MET: variants seen among roughly 807,000 people sequenced by gnomAD.
MET encodes MET proto-oncogene, receptor tyrosine kinase.
MET carries 48 observed loss-of-function variants against 133.1 expected under a neutral mutation model. The ratio of observed to expected loss-of-function variants is 0.36; its 90% CI spans 0.29 to 0.46. The LOEUF (loss-of-function observed/expected upper bound fraction) is 0.46, where lower values mean the gene tolerates loss of function less well. MET is among the 20% of genes least tolerant of loss of function. The pLI, the probability that MET is intolerant of heterozygous loss-of-function variation, is 1.00. For synonymous variants in MET, 628 were observed against 616.5 expected (o/e 1.02, Z -0.28); for missense variants, 1,442 against 1,695.9 (o/e 0.85, Z 2.63).
intron 5 of MET, among the ~76,000 whole-genome samples, chr7:116,754,929 AAGAAAGAAAGAAAGAAAGAAAG>A (rs1426435984): frequency 6.8e-6 from 1 of 147,824 alleles, no homozygotes; most frequent in Non-Finnish European, 1.5e-5. Context: ...GAAAGAAAGA[AAGAAAGAAAGAAAGAAAGAAAG>A]AGAAAGAAAG....
chr7:116,780,996 A>T (rs993637163), intron 17 of MET, among the ~76,000 whole-genome samples: 2 of 152,216 alleles, frequency 1.3e-5, no homozygotes, highest in Non-Finnish European at 2.9e-5. Flanking sequence ...CCTTCAAAGC[A>T]TACCTGTCAT....
At chr7:116,732,231 A>G (rs1213545724) in intron 3 of MET, among the ~76,000 whole-genome samples, 4 of 152,194 alleles carry the variant, frequency 2.6e-5, no homozygotes, top group Middle Eastern at 3.2e-3. Flanking sequence ...TATTGTGTGA[A>G]CCATGCATCT....
intron 1 of MET, among the ~76,000 whole-genome samples, chr7:116,697,374 C>A (rs1191500434): frequency 6.6e-6 from 1 of 152,082 alleles, no homozygotes; most frequent in Non-Finnish European, 1.5e-5. Flanking sequence ...CTTTCCATTG[C>A]CAGGATCTCT....
At chr7:116,693,141 T>C (rs932577827) in intron 1 of MET, among the ~76,000 whole-genome samples, 1 of 152,210 alleles carries the variant, frequency 6.6e-6, no homozygotes, top group Non-Finnish European at 1.5e-5. Context: ...AGCAATAATA[T>C]GCCAAGTCAA....
At chr7:116,682,280 C>A (rs775205260) in intron 1 of MET, among the ~76,000 whole-genome samples, 1 of 152,148 alleles carries the variant, frequency 6.6e-6, no homozygotes, top group Non-Finnish European at 1.5e-5. Context: ...AGATATTAGA[C>A]GAATAACTTA....
chr7:116,782,890 A>G (rs891737446), intron 18 of MET, among the ~76,000 whole-genome samples: 1 of 152,240 alleles, frequency 6.6e-6, no homozygotes, highest in African/African-American at 2.4e-5. Flanking sequence ...AAAGTAAAGT[A>G]TCAGTCCCCT....
chr7:116,699,737 G>A lies in MET; in HGVS notation c.653G>A (p.Arg218Lys), dbSNP rs1441045077. The A allele has an allele frequency of 6.2e-7, 1 of 1,614,084 alleles. No homozygotes were observed. The highest frequency in any genetic ancestry group is 1.1e-5 in the South Asian group (1 of 91,088). ...DHPLHSISVR[R>K]LKETKDGFMF... ...CCATTGCATTCGATATCAGTGAGAA[G>A]GCTAAAGGAAACGAAAGATGGTTTT... The change falls in exon 2 of 21, where the codon AGG becomes AAG. Residue 218 changes from arginine (R) to lysine (K), a missense_variant. Coordinates refer to ENST00000397752, the MANE Select transcript of MET (RefSeq NM_000245.4).
At chr7:116,789,933 G>A (rs1457111670) in intron 19 of MET, among the ~76,000 whole-genome samples, 2 of 152,186 alleles carry the variant, frequency 1.3e-5, no homozygotes, top group African/African-American at 4.8e-5. Context: ...AGCTCGGCAT[G>A]CATTAGCTGC....
chr7:116,736,689 T>A (rs774561552), intron 3 of MET, among the ~76,000 whole-genome samples: 1 of 152,166 alleles, frequency 6.6e-6, no homozygotes, highest in Non-Finnish European at 1.5e-5. Context: ...TTTGGTAAAT[T>A]CAGATTCTGC....
chr7:116,754,185 G>A (rs1794035365), intron 5 of MET, among the ~76,000 whole-genome samples: 1 of 152,112 alleles, frequency 6.6e-6, no homozygotes, highest in Non-Finnish European at 1.5e-5. Flanking sequence ...TGAATTATTG[G>A]CAGATATGTG....
intron 2 of MET, among the ~76,000 whole-genome samples, chr7:116,716,382 AAGAG>A (rs1426989076): frequency 4.9e-4 from 69 of 141,868 alleles, no homozygotes; most frequent in African/African-American, 1.7e-3. Context: ...AGGAGGGAAA[AAGAG>A]AGAAAGAAAG....
At chr7:116,725,329 C>T (rs1255637586) in intron 2 of MET, among the ~76,000 whole-genome samples, 1 of 152,028 alleles carries the variant, frequency 6.6e-6, no homozygotes, top group African/African-American at 2.4e-5. Flanking sequence ...ATTGTGAGTT[C>T]AGCAAAGCCA....
At chr7:116,732,389 A>T (rs1793047303) in intron 3 of MET, among the ~76,000 whole-genome samples, 1 of 152,240 alleles carries the variant, frequency 6.6e-6, no homozygotes, top group Admixed American at 6.5e-5. Context: ...TACAAAAAAA[A>T]TCCAGATTTT....
At chr7:116,739,294 T>G (rs928663332) in intron 3 of MET, among the ~76,000 whole-genome samples, 7 of 152,206 alleles carry the variant, frequency 4.6e-5, no homozygotes, top group African/African-American at 1.4e-4. Flanking sequence ...TCATCAAACC[T>G]CATTTCCCGG....
At chr7:116,719,796 T>C (rs1307144196) in intron 2 of MET, among the ~76,000 whole-genome samples, 1 of 151,992 alleles carries the variant, frequency 6.6e-6, no homozygotes, top group Non-Finnish European at 1.5e-5. Context: ...GATCAGATAG[T>C]TGTAGATATG....
rs2117107162 is a variant in MET, at chr7:116,795,651, C to T, written c.3799-4C>T. On this transcript the variant is annotated splice_region_variant and splice_polypyrimidine_tract_variant and intron_variant, in intron 19 of 20. Transcript: ENST00000397752. Reference sequence around the variant, plus strand: ...CTCATCTGTCCTGTTTCTTGTTTTACTAGTGGTCCTTTGGCGTGCTCCTCT... The same window carrying T: ...CTCATCTGTCCTGTTTCTTGTTTTATTAGTGGTCCTTTGGCGTGCTCCTCT... 1.2e-6 allele frequency: 2 copies of T among 1,613,688 alleles called. No individual in the cohort carries two copies.
At chr7:116,685,681 A>T (rs749200333) in intron 1 of MET, among the ~76,000 whole-genome samples, 3 of 152,026 alleles carry the variant, frequency 2.0e-5, no homozygotes, top group Non-Finnish European at 2.9e-5. Flanking sequence ...GCAAGACTCC[A>T]TGTCAAAAAA....
chr7:116,711,857 G>A (rs968750041), intron 2 of MET, among the ~76,000 whole-genome samples: 3 of 152,066 alleles, frequency 2.0e-5, no homozygotes, highest in South Asian at 2.1e-4. Flanking sequence ...CCTCCTTCAC[G>A]CCCAGTGATG....
intron 2 of MET, among the ~76,000 whole-genome samples, chr7:116,729,603 T>A (rs901661095): frequency 1.3e-5 from 2 of 152,220 alleles, no homozygotes; most frequent in East Asian, 1.9e-4. Flanking sequence ...CCTACACTTA[T>A]AGTTACATAC....
Sources: allele counts gnomAD v4.1 joint callset (sites outside exome capture counted in the v4.1 genomes callset), GRCh38; gene constraint gnomAD v4.1.1; transcripts MANE v1.5; gene names NCBI Gene and HGNC (gene_info 2026-07-23, HGNC 2026-07-21).